TRIM72: variants seen among roughly 807,000 people sequenced by gnomAD.
TRIM72 encodes the protein tripartite motif-containing protein 72.
A neutral mutation model predicts 31.6 loss-of-function variants in TRIM72; 33 were observed. That is an observed-to-expected ratio of 1.04 (90% CI 0.79 to 1.40). The LOEUF is 1.40. TRIM72 is among the 40% of genes most tolerant of loss of function. TRIM72 has a pLI of 0.00. For missense variants in TRIM72, 666 were observed against 682.7 expected (o/e 0.98, Z 0.27); for synonymous variants, 301 against 314.4 (o/e 0.96, Z 0.45).
In TRIM72 at chr16:31,215,229, C is replaced by T; in HGVS notation, c.390+101C>T. ...TTTGGATTCTGAGTCTCTAGAGAGG[C>T]TCACGAGCTCCTGGAGTTGCGGGGG... On this transcript the variant is annotated intron_variant, in intron 2 of 6. Transcript: ENST00000322122. The surrounding 1 kb of genome is among the most constrained non-coding windows in gnomAD (Gnocchi z 6.3). The T allele has an allele frequency of 7.5e-7, 1 of 1,338,496 alleles. No individual in the cohort carries two copies. Among genetic ancestry groups the T allele is most frequent in the Non-Finnish European group, 9.6e-7 (1 of 1,043,738 alleles). 82.9% of individuals were successfully genotyped at this position (1,338,496 alleles called of 1,614,324 possible). A position where few individuals can be genotyped will look rare whatever the true frequency, so the allele number is the denominator to read the frequency against.
At chr16:31,224,002 C>T (rs1443966705) in intron 6 of TRIM72, among the ~76,000 whole-genome samples, 179 bp from the exon 7 acceptor site, 1 of 152,222 alleles carries the variant, frequency 6.6e-6, no homozygotes, top group Non-Finnish European at 1.5e-5. Context: ...GGGAAGCAAT[C>T]ATGGCCTCAT....
In TRIM72 at chr16:31,222,860, C is replaced by T. The variant is rs746269170; in HGVS notation, c.774C>T (p.Pro258=). The change falls in exon 6 of 7, where the codon CCC becomes CCT. Residue 258 remains proline (P), a synonymous_variant. Transcript: ENST00000322122. ...AGATCCTGGCAGAGTCTCCCCCACC[C>T]GCCCGTCTGGACATCCAGCTGCCAA... The part of the protein sequence containing the change: ...LQKILAESPP[P]ARLDIQLPII... 4.5e-6 allele frequency: 7 copies of T among 1,548,844 alleles called. No individual in the cohort carries two copies. The highest frequency in any genetic ancestry group is 2.4e-5 in the South Asian group (2 of 82,256).
rs542955289 is a variant in TRIM72, at chr16:31,221,025, G to A, written c.740+107G>A. On this transcript the variant is annotated intron_variant, in intron 5 of 6. Transcript: ENST00000322122. ...ATTGTGCCTGCACACCCGCAATTCA[G>A]TCTGCTGCCCCACCCCTGCCTGAAC... is the stretch of plus-strand genomic sequence containing the variant. 26 of 1,405,198 alleles carry A rather than the reference G, an allele frequency of 1.9e-5. No individual in the cohort carries two copies. The South Asian group carries it at 2.5e-4, about 14-fold the overall frequency. The allele number at this position is 1,405,198 out of a possible 1,614,324, so 87.0% of individuals were successfully genotyped here.
chr16:31,229,188 A>C lies in TRIM72; in HGVS notation c.*4433A>C, dbSNP rs1346103631. The C allele has an allele frequency of 6.6e-6, 1 of 152,074 alleles. No homozygotes were observed. Among genetic ancestry groups the C allele is most frequent in the Non-Finnish European group, 1.5e-5 (1 of 68,012 alleles). The allele number at this position is 152,074 out of a possible 1,614,324, so 9.4% of individuals were successfully genotyped here. A position where few individuals can be genotyped will look rare whatever the true frequency, so the allele number is the denominator to read the frequency against. On this transcript the variant is annotated 3_prime_UTR_variant, in exon 7 of 7. Transcript: ENST00000322122. Reference sequence around the variant, plus strand: ...TAAATGGGCAGAGATTTTAGGAGGGAAGATGCCCATGTGAGGGAAGATGGG... The same window carrying C: ...TAAATGGGCAGAGATTTTAGGAGGGCAGATGCCCATGTGAGGGAAGATGGG...
intron 2 of TRIM72, among the ~76,000 whole-genome samples, chr16:31,218,172 C>T (rs2079518574): frequency 6.6e-6 from 1 of 152,152 alleles, no homozygotes; most frequent in Non-Finnish European, 1.5e-5. Flanking sequence ...GTTTGTCATC[C>T]TCGCAAAGAC....
chr16:31,230,984 A>C lies in TRIM72; in HGVS notation c.*6229A>C, dbSNP rs889697320. On this transcript the variant is annotated 3_prime_UTR_variant, in exon 7 of 7. Coordinates refer to ENST00000322122, the MANE Select transcript of TRIM72 (RefSeq NM_001008274.4). ...ATCTCACTGATCTTCGCAACCCTGGATCTCACAACAACGAGAGCCCCACTA... is the reference window on the plus strand; with the variant it reads ...ATCTCACTGATCTTCGCAACCCTGGCTCTCACAACAACGAGAGCCCCACTA... 1 of 151,892 alleles carries C rather than the reference A, an allele frequency of 6.6e-6. No homozygotes were observed. Among genetic ancestry groups the C allele is most frequent in the East Asian group, 1.9e-4 (1 of 5,174 alleles). 9.4% of individuals were successfully genotyped at this position (151,892 alleles called of 1,614,324 possible).
Position 31,224,228 on chromosome 16 carries a change from GTGGTGTCTTCCTC to G in TRIM72, c.911_923del (p.Val304AlafsTer54). ...CCCGAGCTCTGCGCACCCGAGCCTG[GTGGTGTCTTCCTC>G]TGGCCGCCGCGTGGAGTGCTCGGAG... On this transcript the variant is annotated frameshift_variant, in exon 7 of 7. Coordinates refer to ENST00000322122, the MANE Select transcript of TRIM72 (RefSeq NM_001008274.4). LOFTEE classifies it low-confidence loss of function (END_TRUNC). 1 of 1,604,900 alleles carries G rather than the reference GTGGTGTCTTCCTC, an allele frequency of 6.2e-7. No homozygotes were observed. Among genetic ancestry groups the G allele is most frequent in the Middle Eastern group, 1.7e-4 (1 of 6,058 alleles).
At position 31,224,475 on chromosome 16, in the gene TRIM72, T is replaced by C; in HGVS notation, c.1154T>C (p.Leu385Pro). Residue 385 changes from leucine to proline, a missense_variant, in exon 7 of 7, where the codon CTG (leucine) becomes CCG (proline). Transcript: ENST00000322122. ...VPSQGLWLLGLREGKILEAHV... is the reference protein window; with the variant it reads ...VPSQGLWLLGPREGKILEAHV... Reference sequence around the variant, plus strand: ...TCGCAGGGCCTGTGGCTGCTGGGGCTGCGCGAGGGCAAGATCCTGGAGGCA... The same window carrying C: ...TCGCAGGGCCTGTGGCTGCTGGGGCCGCGCGAGGGCAAGATCCTGGAGGCA... 1 of 1,475,216 alleles carries C rather than the reference T, an allele frequency of 6.8e-7. No homozygotes were observed. Among genetic ancestry groups the C allele is most frequent in the Non-Finnish European group, 8.9e-7 (1 of 1,124,108 alleles). 91.4% of individuals were successfully genotyped at this position (1,475,216 alleles called of 1,614,324 possible).
intron 5 of TRIM72, among the ~76,000 whole-genome samples, 172 bp downstream of exon 5, chr16:31,221,090 A>G (rs1268504274): frequency 6.6e-6 from 1 of 152,124 alleles, no homozygotes; most frequent in African/African-American, 2.4e-5. Context: ...GGATCCTTTC[A>G]CTCAGGGACC....
At chr16:31,222,482 C>CTTCTTTT (rs1555512074) in intron 5 of TRIM72, among the ~76,000 whole-genome samples, 1 of 117,980 alleles carries the variant, frequency 8.5e-6, no homozygotes, top group Admixed American at 1.0e-4. Context: ...TCTTCTTCTT[C>CTTCTTTT]TTTTTTTTTT....
rs115885262 is a variant in TRIM72 at position 31,219,376 on chromosome 16, C to G, written c.574C>G (p.Arg192Gly). The change falls in exon 4 of 7, where the codon CGC becomes GGC. Residue 192 changes from arginine to glycine, a missense_variant. By Grantham distance (125) the Arg-to-Gly change is moderately radical. Transcript: ENST00000322122. The surrounding 1 kb of genome is among the most constrained non-coding windows in gnomAD (Gnocchi z 4.2). ...GGCTGCACTGGAGGGCTCCTTGGAC[C>G]GCGAGGCAGAGCGTGTACGGGGTGA... ...FLAALEGSLD[R>G]EAERVRGEAG... is the part of the protein sequence containing the mutation. 23 of 1,613,964 alleles carry G rather than the reference C, an allele frequency of 1.4e-5. No homozygotes were observed. The highest frequency in any genetic ancestry group is 1.9e-5 in the Non-Finnish European group (22 of 1,180,026).
intron 2 of TRIM72, chr16:31,217,414 A>G (rs2079515321): frequency 5.6e-6 from 1 of 180,000 alleles, no homozygotes; most frequent in Admixed American, 6.2e-5. Context: ...GGCTGAAGCA[A>G]AAGGATTGCT....
chr16:31,217,248 G>T, intron 2 of TRIM72: 1 of 574,956 alleles, frequency 1.7e-6, no homozygotes, highest in Non-Finnish European at 3.1e-6. Flanking sequence ...AAATTGTTGA[G>T]GTGGGGATTG....
Position 31,224,633 on chromosome 16 carries a change from CT to C in TRIM72, c.1317del (p.Phe439LeufsTer45), listed in dbSNP as rs1485904130. On this transcript the variant is annotated frameshift_variant, in exon 7 of 7. Coordinates refer to ENST00000322122, the MANE Select transcript of TRIM72 (RefSeq NM_001008274.4). LOFTEE classifies it high-confidence loss of function. ...CAGCGACGCCGACGCGCTCGTGCCG[CT>C]TTTTGCCTTCCACGAGCGCCTGCCC... ...DASDADALVP[L>X]FAFHERLPRP... 1.3e-6 allele frequency: 2 copies of C among 1,548,902 alleles called. No homozygotes were observed. Among genetic ancestry groups the C allele is most frequent in the South Asian group, 1.2e-5 (1 of 85,100 alleles).
At chr16:31,221,870 T>C (rs1328393702) in intron 5 of TRIM72, among the ~76,000 whole-genome samples, 1 of 148,184 alleles carries the variant, frequency 6.7e-6, no homozygotes, top group African/African-American at 2.5e-5. Context: ...AGAAGGGCAT[T>C]GCAGGGAAAA....
rs1239837221 is a variant in TRIM72, at chr16:31,229,093, G to A, written c.*4338G>A. On this transcript the variant is annotated 3_prime_UTR_variant, in exon 7 of 7. Transcript: ENST00000322122. ...ACAGGCCATGGTGTCTGGAGGGATG[G>A]TGGTATCTGAGACCCAAAGCCTCCT... 3 of 152,252 alleles carry A rather than the reference G, an allele frequency of 2.0e-5. No individual in the cohort carries two copies. The highest frequency in any genetic ancestry group is 4.4e-5 in the Non-Finnish European group (3 of 68,070). 9.4% of individuals were successfully genotyped at this position (152,252 alleles called of 1,614,324 possible).
Position 31,230,491 on chromosome 16 carries a change from C to T in TRIM72, c.*5736C>T. 6.6e-6 allele frequency: 1 copy of T among 152,380 alleles called. No homozygotes were observed. The highest frequency in any genetic ancestry group is 1.5e-5 in the Non-Finnish European group (1 of 68,122). 9.4% of individuals were successfully genotyped at this position (152,380 alleles called of 1,614,324 possible). On this transcript the variant is annotated 3_prime_UTR_variant, in exon 7 of 7. Coordinates refer to ENST00000322122, the MANE Select transcript of TRIM72 (RefSeq NM_001008274.4). Reference sequence around the variant, plus strand: ...CCTGTAATCCCAGCACTTTGGGAGGCTGAGGCAGGCGGATCATGAGGTCAG... The same window carrying T: ...CCTGTAATCCCAGCACTTTGGGAGGTTGAGGCAGGCGGATCATGAGGTCAG...
At position 31,219,491 on chromosome 16, in the gene TRIM72, C is replaced by T. The variant is rs139612395; in HGVS notation, c.689C>T (p.Ala230Val). 1.0e-3 allele frequency: 1,612 copies of T among 1,610,158 alleles called. 17 individuals carry two copies. The highest frequency in any genetic ancestry group is 3.1e-3 in the South Asian group (280 of 90,830). Reference sequence around the variant, plus strand: ...ATGGAGAAGGTCCTGGAGGAGGTGGCGGACAAGCCGCAGACTGAGTTCCTC... The same window carrying T: ...ATGGAGAAGGTCCTGGAGGAGGTGGTGGACAAGCCGCAGACTGAGTTCCTC... ...RQMEKVLEEV[A>V]DKPQTEFLMK... The change falls in exon 4 of 7, where the codon GCG (alanine) becomes GTG (valine). Residue 230 changes from alanine to valine, a missense_variant. Coordinates refer to ENST00000322122, the MANE Select transcript of TRIM72 (RefSeq NM_001008274.4). The surrounding 1 kb of genome is among the most constrained non-coding windows in gnomAD (Gnocchi z 4.2).
At position 31,215,785 on chromosome 16, in the gene TRIM72, C is replaced by G. The variant is rs1244108288; in HGVS notation, c.390+657C>G. 4.6e-5 allele frequency among the ~76,000 whole-genome samples: 7 copies of G among 152,162 alleles called. No individual in the cohort carries two copies. The highest frequency in any genetic ancestry group is 1.7e-4 in the African/African-American group (7 of 41,428). On this transcript the variant is annotated intron_variant, in intron 2 of 6. Transcript: ENST00000322122. The surrounding 1 kb of genome is among the most constrained non-coding windows in gnomAD (Gnocchi z 6.3). ...GTCCAGGATGTTTTTCTGGGTGGAG[C>G]TGGAAGTCCCGAAAGCCTTGGGAGC...
Sources: allele counts gnomAD v4.1 joint callset (sites outside exome capture counted in the v4.1 genomes callset), GRCh38; gene constraint gnomAD v4.1.1; non-coding constraint Gnocchi (gnomAD v3.1); transcripts MANE v1.5; gene names NCBI Gene and HGNC (gene_info 2026-07-23, HGNC 2026-07-21).